Variants in IPCEF1 observed in about 807,000 individuals in gnomAD.
IPCEF1 encodes the protein interaction protein for cytohesin exchange factors 1.
Under a neutral mutation model 50.9 loss-of-function variants are expected in IPCEF1, and 31 were observed. That is an observed-to-expected ratio of 0.61 (90% CI 0.46 to 0.82). The LOEUF (loss-of-function observed/expected upper bound fraction) is 0.82. Ranked by LOEUF, IPCEF1 falls within the 40% of genes least tolerant of loss-of-function variation. IPCEF1 has a pLI of 0.00. For missense variants in IPCEF1, 458 were observed against 514.0 expected (o/e 0.89, Z 1.05); for synonymous variants, 181 against 192.0 (o/e 0.94, Z 0.47).
At chr6:154,247,160 A>G in intron 4 of IPCEF1, 1 of 440,170 alleles carries the variant, frequency 2.3e-6, no homozygotes. Flanking sequence ...AGCCGTAGTT[A>G]TGCAATAGAT....
At chr6:154,330,209 T>G (rs1428151123) in intron 1 of IPCEF1, 1 of 150,324 alleles carries the variant, frequency 6.7e-6, no homozygotes, top group Non-Finnish European at 1.5e-5. Context: ...AAACAACACA[T>G]ATAGGACAAA....
chr6:154,266,560 C>CCATATATA (rs1180907519), intron 2 of IPCEF1, among the ~76,000 whole-genome samples: 2 of 134,834 alleles, frequency 1.5e-5, no homozygotes, highest in Non-Finnish European at 3.1e-5. Flanking sequence ...CTTAATATTA[C>CCATATATA]TATATATATA....
intron 5 of IPCEF1, among the ~76,000 whole-genome samples, chr6:154,242,684 C>A (rs943139527): frequency 6.6e-6 from 1 of 152,060 alleles, no homozygotes. Context: ...GTCAGGAGTT[C>A]GAGACTAGCC....
At chr6:154,231,512 A>C (rs1353626339) in intron 5 of IPCEF1, among the ~76,000 whole-genome samples, 1 of 152,268 alleles carries the variant, frequency 6.6e-6, no homozygotes, top group Non-Finnish European at 1.5e-5. Flanking sequence ...TGACAGTTGA[A>C]TACACTGTGG....
chr6:154,308,702 G>T (rs1447310449), intron 1 of IPCEF1, among the ~76,000 whole-genome samples: 1 of 151,986 alleles, frequency 6.6e-6, no homozygotes, highest in Non-Finnish European at 1.5e-5. Flanking sequence ...CTGAAACTGG[G>T]GATAAAACTA....
chr6:154,237,474 C>T (rs571169040), intron 5 of IPCEF1, among the ~76,000 whole-genome samples: 2 of 152,334 alleles, frequency 1.3e-5, no homozygotes, highest in East Asian at 3.9e-4. Flanking sequence ...GCACAATTCT[C>T]CTGCATCCTA....
intron 10 of IPCEF1, among the ~76,000 whole-genome samples, chr6:154,170,709 T>G (rs1416323243): frequency 6.6e-6 from 1 of 152,142 alleles, no homozygotes; most frequent in South Asian, 2.1e-4. Flanking sequence ...GTATCATCAG[T>G]CATGAGGGAA....
chr6:154,248,138 C>A (rs547328439), intron 3 of IPCEF1, among the ~76,000 whole-genome samples: 1 of 152,122 alleles, frequency 6.6e-6, no homozygotes, highest in Admixed American at 6.5e-5. Context: ...ATATTTCTCA[C>A]GTTTTATGGA....
chr6:154,319,533 C>T (rs554041699), intron 1 of IPCEF1, among the ~76,000 whole-genome samples: 1 of 152,306 alleles, frequency 6.6e-6, no homozygotes, highest in South Asian at 2.1e-4. Context: ...GATCCCCCGC[C>T]CCCAGGCCCT....
At chr6:154,294,902 T>G (rs887527063) in intron 1 of IPCEF1, among the ~76,000 whole-genome samples, 1 of 151,974 alleles carries the variant, frequency 6.6e-6, no homozygotes, top group Admixed American at 6.6e-5. Context: ...AAATTATTTT[T>G]TAAAAAAAGT....
At chr6:154,247,632 C>A in intron 3 of IPCEF1, 144 bp from the exon 4 acceptor site, 1 of 592,734 alleles carries the variant, frequency 1.7e-6, no homozygotes, top group Non-Finnish European at 3.0e-6. Flanking sequence ...TAACGGGGAG[C>A]TACTAGCTGA....
chr6:154,167,159 A>G (rs778672954), intron 11 of IPCEF1, among the ~76,000 whole-genome samples: 4 of 152,192 alleles, frequency 2.6e-5, no homozygotes, highest in Non-Finnish European at 5.9e-5. Flanking sequence ...GAATCTATCA[A>G]AGCTTTTCAG....
At chr6:154,206,218 G>T (rs1443139021) in intron 9 of IPCEF1, among the ~76,000 whole-genome samples, 2 of 152,172 alleles carry the variant, frequency 1.3e-5, no homozygotes, top group African/African-American at 4.8e-5. Flanking sequence ...TGCTACTTCC[G>T]ATAGCTATGT....
intron 9 of IPCEF1, among the ~76,000 whole-genome samples, chr6:154,207,927 G>A (rs570633097): frequency 1.3e-5 from 2 of 152,164 alleles, no homozygotes; most frequent in Non-Finnish European, 2.9e-5. Context: ...CCTTCCAAAC[G>A]GATTCAAAAT....
At chr6:154,355,806 TTTTC>T (rs1214338381) in intron 1 of IPCEF1, among the ~76,000 whole-genome samples, 3 of 151,542 alleles carry the variant, frequency 2.0e-5, no homozygotes, top group South Asian at 2.1e-4. Context: ...TTCTATTTTC[TTTTC>T]TTTCTTTTTT....
intron 3 of IPCEF1, among the ~76,000 whole-genome samples, chr6:154,249,595 G>C (rs1015921013): frequency 6.6e-6 from 1 of 152,110 alleles, no homozygotes; most frequent in Admixed American, 6.6e-5. Flanking sequence ...AAGAAGAGCA[G>C]CCTTCAGATG....
chr6:154,174,598 G>T (rs1452169038), intron 10 of IPCEF1, among the ~76,000 whole-genome samples: 1 of 152,128 alleles, frequency 6.6e-6, no homozygotes, highest in Non-Finnish European at 1.5e-5. Flanking sequence ...ATGGTAAAGA[G>T]CTCAATTCAA....
In IPCEF1 at chr6:154,331,399, GAAAGAA is replaced by G. The variant is rs1562292516; in HGVS notation, c.-62+25267_-62+25272del. Among the ~76,000 whole-genome samples the G allele has an allele frequency of 4.5e-3, 609 of 134,092 alleles. 2 individuals carry two copies. The highest frequency in any genetic ancestry group is 9.8e-3 in the African/African-American group (359 of 36,720). The allele number at this position is 134,092 out of a possible 152,430, so 88.0% of individuals were successfully genotyped here. A position where few individuals can be genotyped will look rare whatever the true frequency, so the allele number is the denominator to read the frequency against. ...AGAAAGAAAGAAAGAAAGAAAGAAA[GAAAGAA>G]AGAGAGAGAAAAAGAAAGAGAGAGA... On this transcript the variant is annotated intron_variant, in intron 1 of 11. Transcript: ENST00000367220.
chr6:154,154,861 A>T lies in IPCEF1; in HGVS notation c.*4967T>A, dbSNP rs911763850. On this transcript the variant is annotated 3_prime_UTR_variant, in exon 12 of 12. Transcript: ENST00000367220. ...CAGTAAAACTTAAGCTAAGATTTCC[A>T]CATTAATATCTTGCCCCCAAACACC... The T allele has an allele frequency of 6.6e-6, 1 of 152,620 alleles. No individual in the cohort carries two copies. The highest frequency in any genetic ancestry group is 2.4e-5 in the African/African-American group (1 of 41,444). The allele number at this position is 152,620 out of a possible 1,614,324, so 9.5% of individuals were successfully genotyped here. A position where few individuals can be genotyped will look rare whatever the true frequency, so the allele number is the denominator to read the frequency against.
Sources: gnomAD v4.1 joint callset for allele counts (sites outside exome capture counted in the v4.1 genomes callset) on GRCh38, gnomAD v4.1.1 for gene constraint, MANE v1.5 for transcripts, NCBI Gene and HGNC (gene_info 2026-07-23, HGNC 2026-07-21) for gene names.